Variants in NUBPL observed in about 807,000 individuals in gnomAD.
The protein encoded by NUBPL is NUBP iron-sulfur cluster assembly factor, mitochondrial.
Under a neutral mutation model 45.7 loss-of-function variants are expected in NUBPL, and 31 were observed. That is an observed-to-expected ratio of 0.68 (90% CI 0.51 to 0.92). The LOEUF (loss-of-function observed/expected upper bound fraction) is 0.92, where lower values mean the gene tolerates loss of function less well. NUBPL is among the 40% of genes least tolerant of loss of function. The pLI is 0.00. For synonymous variants in NUBPL, 144 were observed against 140.9 expected (o/e 1.02, Z -0.15); for missense variants, 401 against 398.7 (o/e 1.01, Z -0.05).
In NUBPL at chr14:31,837,280, G is replaced by A. The variant is rs967352481; in HGVS notation, c.694-9191G>A. 8.5e-4 allele frequency among the ~76,000 whole-genome samples: 129 copies of A among 152,140 alleles called. 1 individual carries two copies. Among genetic ancestry groups the A allele is most frequent in the African/African-American group, 2.9e-3 (122 of 41,424 alleles). On this transcript the variant is annotated intron_variant, in intron 8 of 10. Coordinates refer to ENST00000281081, the MANE Select transcript of NUBPL (RefSeq NM_025152.3). ...AGTTTGTTTGAGGCTTCAGTGAGCCGTGATCACACTACTGCATTCCAGCCT... is the reference window on the plus strand; with the variant it reads ...AGTTTGTTTGAGGCTTCAGTGAGCCATGATCACACTACTGCATTCCAGCCT...
chr14:31,834,393 A>C lies in NUBPL; in HGVS notation c.693+7679A>C, dbSNP rs199701556. Among the ~76,000 whole-genome samples the C allele has an allele frequency of 1.9e-3, 284 of 152,018 alleles. 1 individual carries two copies. Among genetic ancestry groups the C allele is most frequent in the South Asian group, 9.8e-3 (47 of 4,800 alleles). ...ACGGGGTTTCACCGTGTTAGCCAGG[A>C]TGGTCTCGATCTCCTGACTTCATGA... On this transcript the variant is annotated intron_variant, in intron 8 of 10. Transcript: ENST00000281081.
chr14:31,818,773 C>T (rs1005057043), intron 7 of NUBPL, among the ~76,000 whole-genome samples: 1 of 152,198 alleles, frequency 6.6e-6, no homozygotes, highest in Non-Finnish European at 1.5e-5. Flanking sequence ...TGGTCTCGAT[C>T]TCCTGACCTT....
chr14:31,662,777 C>A (rs2036306203), intron 4 of NUBPL, among the ~76,000 whole-genome samples: 1 of 152,172 alleles, frequency 6.6e-6, no homozygotes, highest in African/African-American at 2.4e-5. Flanking sequence ...TATCCATGTG[C>A]ATGTGTCTTT....
intron 6 of NUBPL, among the ~76,000 whole-genome samples, chr14:31,757,612 T>G (rs1040101563): frequency 6.6e-6 from 1 of 152,154 alleles, no homozygotes; most frequent in African/African-American, 2.4e-5. Context: ...TGATATGATA[T>G]CTGAAGGGTA....
At chr14:31,743,237 C>T (rs1011217315) in intron 6 of NUBPL, among the ~76,000 whole-genome samples, 2 of 152,136 alleles carry the variant, frequency 1.3e-5, no homozygotes, top group East Asian at 3.9e-4. Context: ...TTTGCTTACC[C>T]ATCCCTGTAT....
chr14:31,565,137 C>G (rs1427875866), intron 3 of NUBPL, 89 bp downstream of exon 3: 1 of 770,228 alleles, frequency 1.3e-6, no homozygotes, highest in East Asian at 2.7e-5. Flanking sequence ...TTTACTCTGT[C>G]AGAAGCTATA....
At chr14:31,746,488 T>C (rs1328720917) in intron 6 of NUBPL, among the ~76,000 whole-genome samples, 1 of 152,036 alleles carries the variant, frequency 6.6e-6, no homozygotes, top group African/African-American at 2.4e-5. Flanking sequence ...TGTGTCACAA[T>C]TTGATACAAA....
At chr14:31,755,524 C>T (rs991439279) in intron 6 of NUBPL, among the ~76,000 whole-genome samples, 19 of 151,756 alleles carry the variant, frequency 1.3e-4, no homozygotes, top group South Asian at 2.1e-4. Context: ...TCATGTCCTT[C>T]GCCCACTTTT....
rs761869095 is a variant in NUBPL, at chr14:31,599,332, C to T, written c.335C>T (p.Ser112Leu). 5 of 1,612,842 alleles carry T rather than the reference C, an allele frequency of 3.1e-6. No homozygotes were observed. The Admixed American group carries it at 6.7e-5, about 22-fold the overall frequency. The change falls in exon 4 of 11, where the codon TCA becomes TTA. Residue 112 changes from serine (S) to leucine (L), a missense_variant. By Grantham distance (145) the Ser-to-Leu change is moderately radical. Transcript: ENST00000281081. ...CTAGATGTGGATGTGTATGGACCTT[C>T]AGTTCCAAAGATGATGAATCTGAAA... ...GLLDVDVYGP[S>L]VPKMMNLKGN... is the part of the protein sequence containing the mutation.
At chr14:31,724,370 G>A (rs1351760163) in intron 6 of NUBPL, among the ~76,000 whole-genome samples, 1 of 152,192 alleles carries the variant, frequency 6.6e-6, no homozygotes, top group East Asian at 1.9e-4. Flanking sequence ...TCTATGAGGA[G>A]TGGAATTCTC....
At chr14:31,828,975 G>C (rs1280215751) in intron 8 of NUBPL, among the ~76,000 whole-genome samples, 1 of 152,212 alleles carries the variant, frequency 6.6e-6, no homozygotes, top group Non-Finnish European at 1.5e-5. Flanking sequence ...TTGTGAGGAA[G>C]TATTCCAAAT....
intron 4 of NUBPL, among the ~76,000 whole-genome samples, chr14:31,636,058 T>C (rs1431623688): frequency 1.3e-5 from 2 of 151,332 alleles, no homozygotes; most frequent in African/African-American, 2.4e-5. Flanking sequence ...TGACTTCCTC[T>C]TTTCCTAATT....
intron 6 of NUBPL, among the ~76,000 whole-genome samples, chr14:31,785,645 T>G (rs2039270542): frequency 6.6e-6 from 1 of 152,164 alleles, no homozygotes; most frequent in Non-Finnish European, 1.5e-5. Context: ...CTTCCTGATT[T>G]GTTTGTCTGT....
chr14:31,680,266 G>A (rs1328430370), intron 6 of NUBPL, among the ~76,000 whole-genome samples: 3 of 152,130 alleles, frequency 2.0e-5, no homozygotes, highest in South Asian at 4.1e-4. Context: ...CCAGTATAAT[G>A]TTGAACACAG....
intron 7 of NUBPL, chr14:31,800,959 A>G (rs2039576666): frequency 6.6e-6 from 1 of 152,232 alleles, no homozygotes; most frequent in South Asian, 2.1e-4. Context: ...CTAGTTACAA[A>G]GGAGTGAGCA....
chr14:31,804,608 T>C (rs1431722382), intron 7 of NUBPL, among the ~76,000 whole-genome samples: 5 of 152,244 alleles, frequency 3.3e-5, no homozygotes, highest in Non-Finnish European at 5.9e-5. Context: ...TGGAACATAA[T>C]AGAGAGCCCA....
intron 3 of NUBPL, chr14:31,578,008 T>C: frequency 7.8e-7 from 1 of 1,286,662 alleles, no homozygotes; most frequent in Non-Finnish European, 1.0e-6. Flanking sequence ...TGGCCCGTTG[T>C]TATGAACTCA....
At chr14:31,646,601 T>A (rs978414815) in intron 4 of NUBPL, among the ~76,000 whole-genome samples, 1 of 152,144 alleles carries the variant, frequency 6.6e-6, no homozygotes, top group African/African-American at 2.4e-5. Flanking sequence ...CTCCTTTATA[T>A]GTTATTTATC....
At position 31,850,179 on chromosome 14, in the gene NUBPL, T is replaced by G. The variant is rs780774581; in HGVS notation, c.875T>G (p.Phe292Cys). 6.8e-6 allele frequency: 11 copies of G among 1,613,740 alleles called. No homozygotes were observed. The Admixed American group carries it at 1.5e-4, about 22-fold the overall frequency. Residue 292 changes from phenylalanine (F) to cysteine (C), a missense_variant, in exon 10 of 11, where the codon TTT becomes TGT. Transcript: ENST00000281081. ...EASDTGQPIV[F>C]SQPESDEAKA... ...TCAGATACAGGCCAGCCAATTGTGT[T>G]TTCACAGCCTGAAAGTGATGAGGTA...
Sources: allele counts gnomAD v4.1 joint callset (sites outside exome capture counted in the v4.1 genomes callset), GRCh38; gene constraint gnomAD v4.1.1; transcripts MANE v1.5; gene names NCBI Gene and HGNC (gene_info 2026-07-23, HGNC 2026-07-21).